Variants in VPS53 observed in about 807,000 individuals in gnomAD.
The protein encoded by VPS53 is VPS53 subunit of GARP complex, also known as vacuolar protein sorting-associated protein 53 homolog.
In VPS53, 70 loss-of-function variants were observed where a neutral mutation model predicts 107.0. That is an observed-to-expected ratio of 0.65 (90% confidence interval 0.54 to 0.80). The LOEUF (loss-of-function observed/expected upper bound fraction) is 0.80, where lower values mean the gene tolerates loss of function less well. Among genes scored for constraint, VPS53 ranks in the 30% least tolerant of loss-of-function variants. The pLI, the probability that VPS53 is intolerant of heterozygous loss-of-function variation, is 0.00. For synonymous variants in VPS53, 409 were observed against 393.3 expected, an observed-to-expected ratio of 1.04 and a Z score of -0.47; for missense variants, 917 against 1,049.4, an observed-to-expected ratio of 0.87 and a Z score of 1.74.
intron 5 of VPS53, among the ~76,000 whole-genome samples, chr17:657,920 G>A (rs1183189786): frequency 6.6e-6 from 1 of 152,112 alleles, no homozygotes; most frequent in South Asian, 2.1e-4. Context: ...TCGGCCGTGA[G>A]TTCTTGGATA....
At chr17:652,179 G>C (rs375848713) in intron 7 of VPS53, among the ~76,000 whole-genome samples, 5 of 152,028 alleles carry the variant, frequency 3.3e-5, no homozygotes, top group African/African-American at 1.2e-4. Flanking sequence ...ATTTTTAGTA[G>C]AGACGGGGTT....
At chr17:607,248 C>T (rs565832421) in intron 11 of VPS53, among the ~76,000 whole-genome samples, 6 of 152,112 alleles carry the variant, frequency 3.9e-5, no homozygotes, top group Non-Finnish European at 7.3e-5. Context: ...AGTGGAGCCT[C>T]GTCCCAACTA....
chr17:638,372 T>C (rs1003490749), intron 7 of VPS53, among the ~76,000 whole-genome samples: 24 of 152,360 alleles, frequency 1.6e-4, no homozygotes, highest in African/African-American at 5.3e-4. Context: ...TTGAGCCAAT[T>C]TGCCAGTCTG....
chr17:587,894 T>C (rs930594767), intron 12 of VPS53, among the ~76,000 whole-genome samples: 1 of 152,194 alleles, frequency 6.6e-6, no homozygotes, highest in Admixed American at 6.5e-5. Context: ...ACATAATTAA[T>C]GTATACATCT....
intron 19 of VPS53, among the ~76,000 whole-genome samples, chr17:530,658 T>G (rs1362410880): frequency 1.3e-5 from 2 of 152,190 alleles, no homozygotes; most frequent in Non-Finnish European, 1.5e-5. Flanking sequence ...ACAGCGGACA[T>G]TCTCCTCTTA....
At chr17:538,752 C>T (rs903499146) in intron 17 of VPS53, 10 of 152,008 alleles carry the variant, frequency 6.6e-5, no homozygotes, top group African/African-American at 2.4e-4. Flanking sequence ...TAACCAGGCT[C>T]CACACAGGAA....
rs191210468 is a variant in VPS53, at chr17:560,967, T to C, written c.1557-394A>G. Among the ~76,000 whole-genome samples, 20 of 152,240 alleles carry C rather than the reference T, an allele frequency of 1.3e-4. No individual in the cohort carries two copies. The East Asian group carries it at 3.7e-3, about 28-fold the overall frequency. On this transcript the variant is annotated intron_variant, in intron 14 of 21. Coordinates refer to ENST00000437048, the MANE Select transcript of VPS53 (RefSeq NM_001128159.3). The stretch of plus-strand genomic sequence containing the variant: ...TAAGAAAAGTCTGCACTGGGACTCA[T>C]GTGTGCTGGTGGAGGAGGACATAAG...
intron 6 of VPS53, 46 bp from the exon 7 acceptor site, chr17:653,456 C>G: frequency 6.2e-7 from 1 of 1,612,764 alleles, no homozygotes. Context: ...ACACTAAAGA[C>G]GCAAGATACA....
intron 17 of VPS53, among the ~76,000 whole-genome samples, chr17:546,974 A>G (rs2151830238): frequency 6.7e-6 from 1 of 149,856 alleles, no homozygotes; most frequent in Middle Eastern, 3.4e-3. Context: ...TCCCAGGTTC[A>G]AGCCATTCTC....
At chr17:637,925 T>A (rs1418999186) in intron 7 of VPS53, among the ~76,000 whole-genome samples, 1 of 152,250 alleles carries the variant, frequency 6.6e-6, no homozygotes, top group South Asian at 2.1e-4. Flanking sequence ...TGTAGATGTC[T>A]ATTAGGTCCG....
chr17:708,872 C>A (rs970080373), intron 2 of VPS53, among the ~76,000 whole-genome samples: 4 of 152,164 alleles, frequency 2.6e-5, no homozygotes, highest in South Asian at 2.1e-4. Flanking sequence ...TATCCTATTT[C>A]TATTATAACT....
At chr17:570,874 G>A (rs889326642) in intron 13 of VPS53, among the ~76,000 whole-genome samples, 4 of 152,202 alleles carry the variant, frequency 2.6e-5, no homozygotes, top group Middle Eastern at 3.4e-3. Flanking sequence ...GAGGGGTCTG[G>A]GATTAAGCAG....
At chr17:617,709 G>T (rs1395340115) in intron 11 of VPS53, among the ~76,000 whole-genome samples, 2 of 148,840 alleles carry the variant, frequency 1.3e-5, no homozygotes, top group Non-Finnish European at 3.0e-5. Context: ...GCGCCATCAG[G>T]CCCCGCTATT....
At chr17:686,149 T>A (rs747032589) in intron 4 of VPS53, among the ~76,000 whole-genome samples, 1 of 151,900 alleles carries the variant, frequency 6.6e-6, no homozygotes, top group East Asian at 1.9e-4. Context: ...TGAGATTCCA[T>A]CTCTACAAAA....
At chr17:688,966 G>A (rs187643007) in intron 4 of VPS53, among the ~76,000 whole-genome samples, 34 of 152,272 alleles carry the variant, frequency 2.2e-4, no homozygotes, top group African/African-American at 8.2e-4. Flanking sequence ...AACAAAAAAT[G>A]TCCAGCCAAT....
At chr17:632,774 C>T (rs763326404) in intron 7 of VPS53, 36 of 456,188 alleles carry the variant, frequency 7.9e-5, no homozygotes, top group South Asian at 4.5e-4. Flanking sequence ...TCTGTCTTCC[C>T]GTGTCTGGCT....
chr17:520,607 AT>A lies in VPS53; in HGVS notation c.2224-678del, dbSNP rs1908660770. ...GTTTTGTTCTGGAATGCAGTATCTG[AT>A]TTTCTTTCCCCAGCCGACTGATTTG... On this transcript the variant is annotated intron_variant, in intron 20 of 21. Transcript: ENST00000437048. This position sits in a 1 kb window ranked among gnomAD's most constrained non-coding sequence, Gnocchi z 4.4. Among the ~76,000 whole-genome samples, 1 of 152,162 alleles carries A rather than the reference AT, an allele frequency of 6.6e-6. No individual in the cohort carries two copies. The highest frequency in any genetic ancestry group is 2.1e-4 in the South Asian group (1 of 4,830).
intron 12 of VPS53, among the ~76,000 whole-genome samples, chr17:589,713 G>A (rs1372239844): frequency 6.6e-6 from 1 of 152,128 alleles, no homozygotes; most frequent in Non-Finnish European, 1.5e-5. Context: ...CTTAAGAATG[G>A]CATATTGTCC....
intron 13 of VPS53, among the ~76,000 whole-genome samples, chr17:569,633 A>G (rs1025058771): frequency 1.3e-5 from 2 of 152,164 alleles, no homozygotes; most frequent in Non-Finnish European, 2.9e-5. Context: ...AAAAATCACC[A>G]TTTGACTGGG....
Sources: allele counts gnomAD v4.1 joint callset (sites outside exome capture counted in the v4.1 genomes callset), GRCh38; gene constraint gnomAD v4.1.1; non-coding constraint Gnocchi (gnomAD v3.1); transcripts MANE v1.5; gene names NCBI Gene and HGNC (gene_info 2026-07-23, HGNC 2026-07-21).